VAV2: variants seen among roughly 807,000 people sequenced by gnomAD.
The protein encoded by VAV2 is guanine nucleotide exchange factor VAV2.
VAV2 carries 67 observed loss-of-function variants against 132.5 expected under a neutral mutation model. The ratio of observed to expected loss-of-function variants is 0.51; its 90% confidence interval spans 0.42 to 0.62. The LOEUF is 0.62. VAV2 is among the 20% of genes least tolerant of loss of function. VAV2 has a pLI of 0.00. For missense variants in VAV2, 938 were observed against 1,153.6 expected (o/e 0.81, Z 2.71); for synonymous variants, 492 against 443.5 (o/e 1.11, Z -1.37).
chr9:133,789,459 G>A, intron 13 of VAV2, 116 bp from the exon 14 acceptor site: 8 of 936,030 alleles, frequency 8.5e-6, no homozygotes, highest in South Asian at 5.9e-5. Flanking sequence ...CAGCAGAGGC[G>A]GGACGAAGGG....
chr9:133,822,095 C>T (rs1489257840), intron 4 of VAV2, among the ~76,000 whole-genome samples: 1 of 152,212 alleles, frequency 6.6e-6, no homozygotes, highest in Admixed American at 6.5e-5. Context: ...AACAACCTCG[C>T]CCACCTGCCC....
intron 2 of VAV2, among the ~76,000 whole-genome samples, chr9:133,930,890 A>C (rs1840663281): frequency 6.6e-6 from 1 of 152,218 alleles, no homozygotes; most frequent in Non-Finnish European, 1.5e-5. Context: ...GCTGAGAGCC[A>C]GTTTTAACTG....
chr9:133,897,253 C>G (rs3780750), intron 2 of VAV2, among the ~76,000 whole-genome samples: 5,360 of 152,246 alleles, frequency 0.035, 267 homozygotes, highest in East Asian at 0.1. Flanking sequence ...CAGCAAGAGA[C>G]TAAGTCCCCC....
chr9:133,891,602 G>GAT (rs2131975268), intron 2 of VAV2, among the ~76,000 whole-genome samples: 1 of 24,078 alleles, frequency 4.2e-5, no homozygotes. Flanking sequence ...GGGAGGGAGG[G>GAT]GAAAGAAGGA....
intron 3 of VAV2, among the ~76,000 whole-genome samples, chr9:133,841,884 CA>C (rs1394478638): frequency 2.0e-5 from 3 of 152,186 alleles, no homozygotes; most frequent in Non-Finnish European, 2.9e-5. Flanking sequence ...CGCTTTCCAC[CA>C]GCTCAGCCTG....
chr9:133,781,520 G>A (rs1442800340), intron 19 of VAV2, among the ~76,000 whole-genome samples: 2 of 152,160 alleles, frequency 1.3e-5, no homozygotes, highest in Admixed American at 6.5e-5. Flanking sequence ...AGCAATGACT[G>A]TGCCTGATGG....
chr9:133,772,308 G>A (rs1173503477), intron 25 of VAV2, among the ~76,000 whole-genome samples: 1 of 152,200 alleles, frequency 6.6e-6, no homozygotes. Flanking sequence ...CTGGCCTCTA[G>A]CCCTGCTGAG....
chr9:133,989,353 AAC>A (rs1564529424), intron 1 of VAV2, among the ~76,000 whole-genome samples: 2 of 149,944 alleles, frequency 1.3e-5, no homozygotes, highest in African/African-American at 4.9e-5. Context: ...AAAAAAAAAA[AAC>A]AAAAAATACA....
At position 133,945,098 on chromosome 9, in the gene VAV2, A is replaced by T. The variant is rs572490148; in HGVS notation, c.205-5879T>A. ...GAGGAAACTGAGGTTTCAGGAGGTC[A>T]GCTGGCCTGCCCAAGGTCACTAGCA... is the stretch of plus-strand genomic sequence containing the variant. On this transcript the variant is annotated intron_variant, in intron 1 of 29. Transcript: ENST00000371850. 3.9e-5 allele frequency among the ~76,000 whole-genome samples: 6 copies of T among 152,362 alleles called. No individual in the cohort carries two copies. In the South Asian group the frequency reaches 1.2e-3, roughly 32 times the overall value.
At position 133,912,910 on chromosome 9, in the gene VAV2, T is replaced by C. The variant is rs1410340017; in HGVS notation, c.321+26193A>G. On this transcript the variant is annotated intron_variant, in intron 2 of 29. Coordinates refer to ENST00000371850, the MANE Select transcript of VAV2 (RefSeq NM_001134398.2). The surrounding 1 kb of genome is among the most constrained non-coding windows in gnomAD (Gnocchi z 4.3). The stretch of plus-strand genomic sequence containing the variant: ...ATCAGGGCTCCTGATCCTGGTGACT[T>C]TAAGGAGGAAAATCCAACTTCAGCC... Among the ~76,000 whole-genome samples, 1 of 152,064 alleles carries C rather than the reference T, an allele frequency of 6.6e-6. No homozygotes were observed. The highest frequency in any genetic ancestry group is 2.4e-5 in the African/African-American group (1 of 41,382).
chr9:133,964,024 TATATATATATATATATATATATATAC>T (rs1348452196), intron 1 of VAV2, among the ~76,000 whole-genome samples: 3 of 49,788 alleles, frequency 6.0e-5, no homozygotes, highest in African/African-American at 3.2e-4. Context: ...TATTCATTCA[TATATATATATATATATATATATATAC>T]ATATATATAC....
intron 2 of VAV2, among the ~76,000 whole-genome samples, chr9:133,930,937 GA>G (rs1331529976): frequency 6.6e-6 from 1 of 152,172 alleles, no homozygotes; most frequent in African/African-American, 2.4e-5. Flanking sequence ...ATGCTTTAAT[GA>G]ATAATAAATA....
rs1834983776 is a variant in VAV2 at position 133,802,743 on chromosome 9, T to C, written c.836+3338A>G. Among the ~76,000 whole-genome samples, 1 of 143,856 alleles carries C rather than the reference T, an allele frequency of 7.0e-6. No individual in the cohort carries two copies. The highest frequency in any genetic ancestry group is 1.5e-5 in the Non-Finnish European group (1 of 67,964). The allele number at this position is 143,856 out of a possible 152,430, so 94.4% of individuals were successfully genotyped here. ...GCCTCTCCTCTGCCCATTTTCCTCA[T>C]GGTATCACCTCTGCCTCCAGTCCAC... On this transcript the variant is annotated intron_variant, in intron 9 of 29. Coordinates refer to ENST00000371850, the MANE Select transcript of VAV2 (RefSeq NM_001134398.2). The surrounding 1 kb of genome is among the most constrained non-coding windows in gnomAD (Gnocchi z 5.8).
intron 2 of VAV2, among the ~76,000 whole-genome samples, chr9:133,907,576 G>A (rs1411038996): frequency 6.6e-6 from 1 of 152,206 alleles, no homozygotes; most frequent in African/African-American, 2.4e-5. Flanking sequence ...AAGCCCCCTG[G>A]GAGATGTTTT....
rs1833760630 is a variant in VAV2 at position 133,774,918 on chromosome 9, C to T, written c.2135+17G>A. ...CATTGGGGGATGGGTCTCCTCGAGC[C>T]CAGAGCCGCCACTTACTTGATGCTT... On this transcript the variant is annotated intron_variant, in intron 25 of 29. Coordinates refer to ENST00000371850, the MANE Select transcript of VAV2 (RefSeq NM_001134398.2). The T allele has an allele frequency of 1.9e-6, 3 of 1,605,816 alleles. No homozygotes were observed. The highest frequency in any genetic ancestry group is 2.6e-6 in the Non-Finnish European group (3 of 1,175,032).
At chr9:133,815,387 C>T (rs1185470732) in intron 4 of VAV2, among the ~76,000 whole-genome samples, 1 of 152,114 alleles carries the variant, frequency 6.6e-6, no homozygotes, top group African/African-American at 2.4e-5. Flanking sequence ...CAAGTGGCTA[C>T]ACCTGTGTCA....
At chr9:133,978,200 G>GCCCTCCCTGGCCCGCC (rs1491109724) in intron 1 of VAV2, among the ~76,000 whole-genome samples, 1 of 152,242 alleles carries the variant, frequency 6.6e-6, no homozygotes, top group Non-Finnish European at 1.5e-5. Flanking sequence ...GAGGATGCTG[G>GCCCTCCCTGGCCCGCC]TCCCAGGGTC....
At position 133,775,559 on chromosome 9, in the gene VAV2, A is replaced by G. The variant is rs375451616; in HGVS notation, c.2018+469T>C. Among the ~76,000 whole-genome samples, 37 of 152,314 alleles carry G rather than the reference A, an allele frequency of 2.4e-4. 1 individual carries two copies. The East Asian group carries it at 5.4e-3, about 22-fold the overall frequency. ...AGCTCTTCCTGCCACCTGTACTGCAATGAAGCCCACCCTGAGAGGGCAAGG... is the reference window on the plus strand; with the variant it reads ...AGCTCTTCCTGCCACCTGTACTGCAGTGAAGCCCACCCTGAGAGGGCAAGG... On this transcript the variant is annotated intron_variant, in intron 24 of 29. Transcript: ENST00000371850.
chr9:133,775,072 G>A lies in VAV2; in HGVS notation c.2019-21C>T, dbSNP rs759613248. 17 of 1,581,846 alleles carry A rather than the reference G, an allele frequency of 1.1e-5. No homozygotes were observed. In the African/African-American group the frequency reaches 1.5e-4, roughly 14 times the overall value. On this transcript the variant is annotated intron_variant, in intron 24 of 29. Transcript: ENST00000371850. ...CAAACCTACAGGAGGGGGCCGGGAG[G>A]AAACGAGAGCCGCAGTGAGGACAGT...
Sources: allele counts gnomAD v4.1 joint callset (sites outside exome capture counted in the v4.1 genomes callset), GRCh38; gene constraint gnomAD v4.1.1; non-coding constraint Gnocchi (gnomAD v3.1); transcripts MANE v1.5; gene names NCBI Gene and HGNC (gene_info 2026-07-23, HGNC 2026-07-21).